The following SLX4IP variants were observed in gnomAD, a reference collection of about 807,000 sequenced individuals.
SLX4IP encodes protein SLX4IP.
SLX4IP carries 34 observed loss-of-function variants against 32.9 expected under a neutral mutation model. The ratio of observed to expected loss-of-function variants is 1.03; its 90% CI spans 0.79 to 1.38. The LOEUF is 1.38. SLX4IP is among the 40% of genes most tolerant of loss of function. SLX4IP has a pLI of 0.00. For missense variants in SLX4IP, 444 were observed against 479.0 expected (o/e 0.93, Z 0.68); for synonymous variants, 172 against 171.7 (o/e 1.00, Z -0.01).
chr20:10,503,029 T>A (rs556456744), intron 2 of SLX4IP, among the ~76,000 whole-genome samples: 6 of 152,308 alleles, frequency 3.9e-5, no homozygotes, highest in African/African-American at 1.4e-4. Context: ...GTGAGTCTGG[T>A]TCCTCCTCTA....
chr20:10,447,181 T>C lies in SLX4IP; in HGVS notation c.-29-10995T>C, dbSNP rs1179402207. Among the ~76,000 whole-genome samples the C allele has an allele frequency of 2.0e-5, 3 of 152,218 alleles. No homozygotes were observed. In the East Asian group the frequency reaches 5.8e-4, roughly 29 times the overall value. ...GTCATCTCTTCATTTCACACTAATT[T>C]CACAGTGCTGCTCCCAGCATGCATC... On this transcript the variant is annotated intron_variant, in intron 1 of 7. Coordinates refer to ENST00000334534, the MANE Select transcript of SLX4IP (RefSeq NM_001009608.3).
chr20:10,505,045 G>A (rs141740624), intron 2 of SLX4IP, among the ~76,000 whole-genome samples: 199 of 152,304 alleles, frequency 1.3e-3, no homozygotes, highest in African/African-American at 4.6e-3. Flanking sequence ...CAAATGGGAA[G>A]TGGCATTTCG....
chr20:10,474,998 G>A (rs1217826827), intron 2 of SLX4IP, among the ~76,000 whole-genome samples: 1 of 152,206 alleles, frequency 6.6e-6, no homozygotes, highest in Non-Finnish European at 1.5e-5. Flanking sequence ...TCCTCTGTCT[G>A]TTGCCTTCTT....
chr20:10,450,980 C>T (rs4550732), intron 1 of SLX4IP, among the ~76,000 whole-genome samples: 74,303 of 151,644 alleles, frequency 0.49, 19,640 homozygotes, highest in Non-Finnish European at 0.6. Context: ...TCTCGATCTC[C>T]TGACCTCTTG....
At chr20:10,482,587 A>G (rs1297249533) in intron 2 of SLX4IP, among the ~76,000 whole-genome samples, 2 of 152,110 alleles carry the variant, frequency 1.3e-5, no homozygotes, top group Non-Finnish European at 2.9e-5. Context: ...CTGAGGTTGT[A>G]CTAGAGGTAC....
intron 2 of SLX4IP, among the ~76,000 whole-genome samples, chr20:10,546,569 T>C (rs1835828580): frequency 1.3e-5 from 2 of 152,198 alleles, no homozygotes; most frequent in Non-Finnish European, 2.9e-5. Flanking sequence ...CCAATATTTC[T>C]TCCTTGAGCC....
chr20:10,602,350 C>G (rs962026541), intron 6 of SLX4IP, among the ~76,000 whole-genome samples: 4 of 152,048 alleles, frequency 2.6e-5, no homozygotes, highest in Admixed American at 6.5e-5. Flanking sequence ...CTCTGTCTCC[C>G]TTTTCTCATG....
chr20:10,568,463 T>C (rs1019558874), intron 4 of SLX4IP, among the ~76,000 whole-genome samples: 2 of 152,226 alleles, frequency 1.3e-5, no homozygotes, highest in Non-Finnish European at 2.9e-5. Context: ...GCTGTAGTTC[T>C]CCAGCTGAGA....
chr20:10,622,771 G>A lies in SLX4IP; in HGVS notation c.619G>A (p.Asp207Asn), dbSNP rs1479295904. The change falls in exon 8 of 8, where the codon GAT (aspartate) becomes AAT (asparagine). Residue 207 changes from aspartate to asparagine, a missense_variant. By Grantham distance (23) the Asp-to-Asn change is conservative. Transcript: ENST00000334534. ...TGCAGAGATAGCAAGGAGGAGGAAT[G>A]ATGGTCAGGCTTCCTCCAGTCCCCC... ...VIAEIARRRNDGQASSSPPSE... is the reference protein window; with the variant it reads ...VIAEIARRRNNGQASSSPPSE... The A allele has an allele frequency of 1.2e-6, 2 of 1,614,204 alleles. No individual in the cohort carries two copies.
At chr20:10,603,446 C>G (rs1305566840) in intron 6 of SLX4IP, among the ~76,000 whole-genome samples, 2 of 152,304 alleles carry the variant, frequency 1.3e-5, no homozygotes, top group East Asian at 3.9e-4. Flanking sequence ...CGGTCTAAGC[C>G]TTTTACATGA....
intron 2 of SLX4IP, among the ~76,000 whole-genome samples, chr20:10,554,605 T>A (rs752894662): frequency 4.6e-5 from 7 of 152,170 alleles, no homozygotes; most frequent in Admixed American, 2.6e-4. Context: ...CATTTCATGT[T>A]ATGTCAGTCT....
At chr20:10,537,692 C>T (rs541312438) in intron 2 of SLX4IP, among the ~76,000 whole-genome samples, 14 of 152,148 alleles carry the variant, frequency 9.2e-5, no homozygotes, top group Non-Finnish European at 1.8e-4. Flanking sequence ...ATCATGATCT[C>T]CTTATGACAT....
chr20:10,619,256 C>T (rs1195118862), intron 6 of SLX4IP, among the ~76,000 whole-genome samples: 1 of 114,522 alleles, frequency 8.7e-6, no homozygotes, highest in Non-Finnish European at 1.8e-5. Flanking sequence ...ACAGATTTTA[C>T]ACTTTTTGAA....
rs2065099429 is a variant in SLX4IP at position 10,435,340 on chromosome 20, C to G, written c.-143C>G. The G allele has an allele frequency of 6.6e-6, 1 of 152,218 alleles. No homozygotes were observed. The highest frequency in any genetic ancestry group is 6.5e-5 in the Admixed American group (1 of 15,274). The allele number at this position is 152,218 out of a possible 1,614,324, so 9.4% of individuals were successfully genotyped here. A position where few individuals can be genotyped will look rare whatever the true frequency, so the allele number is the denominator to read the frequency against. On this transcript the variant is annotated 5_prime_UTR_variant, in exon 1 of 8. Coordinates refer to ENST00000334534, the MANE Select transcript of SLX4IP (RefSeq NM_001009608.3). ...CCCTTAAGCTTCTGAAGGTTGGCTG[C>G]AGTTCCGGCTACCTGTGTAGTCCGA...
At chr20:10,560,901 G>A in intron 4 of SLX4IP, 81 bp downstream of exon 4, 3 of 1,321,858 alleles carry the variant, frequency 2.3e-6, no homozygotes, top group Non-Finnish European at 3.0e-6. Context: ...GTTTGACTCT[G>A]ACTGTCATGT....
intron 2 of SLX4IP, among the ~76,000 whole-genome samples, chr20:10,490,749 G>GT (rs1033582399): frequency 1.3e-5 from 2 of 152,084 alleles, no homozygotes; most frequent in African/African-American, 4.8e-5. Flanking sequence ...GACTTACAGT[G>GT]TTTTTTTCAC....
At position 10,556,304 on chromosome 20, in the gene SLX4IP, C is replaced by G; in HGVS notation, c.101C>G (p.Ser34Cys). The G allele has an allele frequency of 6.2e-7, 1 of 1,613,200 alleles. No homozygotes were observed. The highest frequency in any genetic ancestry group is 1.1e-5 in the South Asian group (1 of 90,814). Residue 34 changes from serine (S) to cysteine (C), a missense_variant, in exon 3 of 8, where the codon TCT becomes TGT. Coordinates refer to ENST00000334534, the MANE Select transcript of SLX4IP (RefSeq NM_001009608.3). ...TCAAACAAAGATACAAGCTGGTTTTCTGAACAGAAGAAAGAGGTACAACAA... is the reference window on the plus strand; with the variant it reads ...TCAAACAAAGATACAAGCTGGTTTTGTGAACAGAAGAAAGAGGTACAACAA... ...QGSNKDTSWF[S>C]EQKKEEVCLL...
At chr20:10,622,400 C>T (rs1013668028) in intron 7 of SLX4IP, among the ~76,000 whole-genome samples, 2 of 152,122 alleles carry the variant, frequency 1.3e-5, no homozygotes, top group East Asian at 1.9e-4. Flanking sequence ...AAAATGTGAA[C>T]GCCATCATAA....
chr20:10,599,407 T>C (rs2066814438), intron 5 of SLX4IP, among the ~76,000 whole-genome samples: 1 of 152,182 alleles, frequency 6.6e-6, no homozygotes, highest in Non-Finnish European at 1.5e-5. Flanking sequence ...TAAACTCTGC[T>C]CGAATATGTT....
Sources: allele counts gnomAD v4.1 joint callset (sites outside exome capture counted in the v4.1 genomes callset), GRCh38; gene constraint gnomAD v4.1.1; transcripts MANE v1.5; gene names NCBI Gene and HGNC (gene_info 2026-07-23, HGNC 2026-07-21).